DCC: variants seen among roughly 807,000 people sequenced by gnomAD.
The protein encoded by DCC is DCC netrin 1 receptor.
DCC carries 58 observed loss-of-function variants against 172.5 expected under a neutral mutation model. The observed-to-expected ratio is 0.34, with a 90% CI of 0.27 to 0.42. DCC has a LOEUF of 0.42. DCC is among the 10% of genes least tolerant of loss of function. The pLI is 1.00. For missense variants in DCC, 1,740 were observed against 1,791.0 expected, an observed-to-expected ratio of 0.97 and a Z score of 0.51; for synonymous variants, 709 against 644.5, an observed-to-expected ratio of 1.10 and a Z score of -1.52.
chr18:53,444,152 G>A (rs1201210755), intron 22 of DCC, among the ~76,000 whole-genome samples: 1 of 152,204 alleles, frequency 6.6e-6, no homozygotes, highest in Admixed American at 6.5e-5. Context: ...TCTCCTATGG[G>A]TAAAATGCTA....
intron 8 of DCC, among the ~76,000 whole-genome samples, chr18:53,167,312 A>T (rs1307242475): frequency 1.3e-5 from 2 of 152,222 alleles, no homozygotes; most frequent in African/African-American, 4.8e-5. Context: ...TCTGAAATGT[A>T]AAAATAGAAG....
At chr18:52,657,718 A>G (rs2035282359) in intron 1 of DCC, among the ~76,000 whole-genome samples, 1 of 152,120 alleles carries the variant, frequency 6.6e-6, no homozygotes, top group Non-Finnish European at 1.5e-5. Flanking sequence ...CCATAATTAT[A>G]TGTCTATACA....
At chr18:53,091,839 C>A (rs1005936221) in intron 7 of DCC, among the ~76,000 whole-genome samples, 33 of 92,476 alleles carry the variant, frequency 3.6e-4, no homozygotes, top group African/African-American at 1.3e-3. Flanking sequence ...ATCTATCTAT[C>A]TATCTATCTA....
chr18:53,118,622 C>T (rs1438650713), intron 7 of DCC, among the ~76,000 whole-genome samples: 1 of 151,668 alleles, frequency 6.6e-6, no homozygotes, highest in Non-Finnish European at 1.5e-5. Context: ...TATTATGGTC[C>T]CTGTATAAGT....
At position 52,415,031 on chromosome 18, in the gene DCC, G is replaced by A. The variant is rs149852380; in HGVS notation, c.91+74153G>A. Among the ~76,000 whole-genome samples the A allele has an allele frequency of 8.2e-3, 1,249 of 152,314 alleles. 17 individuals carry two copies. Among genetic ancestry groups the A allele is most frequent in the African/African-American group, 0.028 (1,183 of 41,570 alleles). On this transcript the variant is annotated intron_variant, in intron 1 of 28. Transcript: ENST00000442544. ...ATCTGTGCGTCTACATTCTACATAT[G>A]CTAAAAGACTGACATGGGCTTCCCT...
At chr18:52,976,823 T>C (rs184059525) in intron 5 of DCC, among the ~76,000 whole-genome samples, 1 of 152,216 alleles carries the variant, frequency 6.6e-6, no homozygotes, top group Non-Finnish European at 1.5e-5. Context: ...ATCTTACATA[T>C]GCAAACACAG....
At chr18:53,379,542 G>A (rs1420380982) in intron 15 of DCC, among the ~76,000 whole-genome samples, 1 of 152,104 alleles carries the variant, frequency 6.6e-6, no homozygotes, top group Non-Finnish European at 1.5e-5. Context: ...TACCTTCAGG[G>A]AAGCCTCAAA....
At chr18:52,932,839 ACT>A (rs1217599103) in intron 5 of DCC, among the ~76,000 whole-genome samples, 4 of 151,932 alleles carry the variant, frequency 2.6e-5, no homozygotes, top group African/African-American at 4.8e-5. Flanking sequence ...ACATGCACTT[ACT>A]CTCTATTTCT....
At chr18:53,377,096 C>T (rs974048997) in intron 15 of DCC, among the ~76,000 whole-genome samples, 6 of 151,882 alleles carry the variant, frequency 4.0e-5, no homozygotes, top group Admixed American at 3.9e-4. Flanking sequence ...ACTCACATCT[C>T]TTATTCTATA....
At chr18:52,572,301 A>T (rs2033318030) in intron 1 of DCC, among the ~76,000 whole-genome samples, 1 of 152,148 alleles carries the variant, frequency 6.6e-6, no homozygotes, top group Non-Finnish European at 1.5e-5. Flanking sequence ...CAGAATCAGG[A>T]AGGAGGGAAA....
intron 22 of DCC, among the ~76,000 whole-genome samples, chr18:53,445,731 A>T (rs1912554949): frequency 6.6e-6 from 1 of 152,134 alleles, no homozygotes; most frequent in African/African-American, 2.4e-5. Flanking sequence ...TTGCTTTATT[A>T]AATTTAGAAG....
chr18:53,185,789 A>T (rs1431660597), intron 9 of DCC, among the ~76,000 whole-genome samples: 2 of 152,230 alleles, frequency 1.3e-5, no homozygotes, highest in East Asian at 3.8e-4. Flanking sequence ...AGAATTCACT[A>T]AAAACAGCTT....
At chr18:53,408,574 G>A (rs373713166) in intron 19 of DCC, among the ~76,000 whole-genome samples, 10 of 152,150 alleles carry the variant, frequency 6.6e-5, no homozygotes, top group East Asian at 1.9e-4. Flanking sequence ...GTCTTCTATC[G>A]GTTAGAAACA....
At chr18:52,522,958 G>T (rs2031865565) in intron 1 of DCC, among the ~76,000 whole-genome samples, 2 of 152,168 alleles carry the variant, frequency 1.3e-5, no homozygotes, top group Admixed American at 6.5e-5. Context: ...GAAAGCATGT[G>T]ATAGTCATGG....
At chr18:52,772,166 CAAA>C (rs1387036129) in intron 2 of DCC, among the ~76,000 whole-genome samples, 1 of 152,158 alleles carries the variant, frequency 6.6e-6, no homozygotes, top group Non-Finnish European at 1.5e-5. Context: ...ATTGTCATGA[CAAA>C]CACTTAGGTA....
chr18:52,546,154 GCA>G (rs143543765), intron 1 of DCC, among the ~76,000 whole-genome samples: 6 of 150,754 alleles, frequency 4.0e-5, no homozygotes, highest in East Asian at 1.9e-4. Flanking sequence ...GGGTGTACGT[GCA>G]CACACACACA....
chr18:52,537,789 C>T (rs975789548), intron 1 of DCC, among the ~76,000 whole-genome samples: 4 of 152,114 alleles, frequency 2.6e-5, no homozygotes, highest in Admixed American at 2.6e-4. Flanking sequence ...GTAATTATGC[C>T]TCATGCCACT....
At chr18:52,715,568 A>G (rs2036366549) in intron 1 of DCC, among the ~76,000 whole-genome samples, 3 of 151,954 alleles carry the variant, frequency 2.0e-5, no homozygotes, top group Admixed American at 2.0e-4. Context: ...GCCTCCCAAT[A>G]TGCTGGGATT....
chr18:53,312,591 G>A (rs1353185825), intron 13 of DCC, among the ~76,000 whole-genome samples: 1 of 151,382 alleles, frequency 6.6e-6, no homozygotes, highest in East Asian at 2.0e-4. Context: ...AGCATTTTGG[G>A]AGACCGAGGA....
Sources: gnomAD v4.1 joint callset for allele counts (sites outside exome capture counted in the v4.1 genomes callset) on GRCh38, gnomAD v4.1.1 for gene constraint, MANE v1.5 for transcripts, NCBI Gene and HGNC (gene_info 2026-07-23, HGNC 2026-07-21) for gene names.